Variants in PRKG1 observed in about 807,000 individuals in gnomAD.
PRKG1 encodes protein kinase cGMP-dependent 1.
PRKG1 carries 35 observed loss-of-function variants against 88.1 expected under a neutral mutation model. That is an observed-to-expected ratio of 0.40 (90% CI 0.30 to 0.53). The LOEUF is 0.53. Ranked by LOEUF, PRKG1 falls within the 20% of genes least tolerant of loss-of-function variation. The pLI is 0.59. For missense variants in PRKG1, 540 were observed against 839.8 expected (o/e 0.64, Z 4.41); for synonymous variants, 303 against 292.5 (o/e 1.04, Z -0.37).
At chr10:51,916,787 T>C (rs1842349468) in intron 5 of PRKG1, among the ~76,000 whole-genome samples, 1 of 152,186 alleles carries the variant, frequency 6.6e-6, no homozygotes, top group African/African-American at 2.4e-5. Flanking sequence ...CATCAGCTGA[T>C]GGATGGGTAA....
chr10:51,012,701 G>A (rs1007717634), intron 1 of PRKG1, among the ~76,000 whole-genome samples: 2 of 152,222 alleles, frequency 1.3e-5, no homozygotes, highest in African/African-American at 4.8e-5. Context: ...AGTCATTGGA[G>A]CCTGGTCTAG....
At chr10:52,092,023 TC>T (rs1484883365) in intron 7 of PRKG1, among the ~76,000 whole-genome samples, 5 of 152,214 alleles carry the variant, frequency 3.3e-5, no homozygotes, top group African/African-American at 1.2e-4. Context: ...TACCAGCGTT[TC>T]CTTCTTGATT....
At chr10:51,144,578 T>C (rs1845895862) in intron 1 of PRKG1, among the ~76,000 whole-genome samples, 1 of 152,286 alleles carries the variant, frequency 6.6e-6, no homozygotes, top group South Asian at 2.1e-4. Context: ...TTTTTCACTT[T>C]GGTTAAGAAG....
At chr10:51,363,963 A>G (rs545982049) in intron 2 of PRKG1, among the ~76,000 whole-genome samples, 77 of 152,156 alleles carry the variant, frequency 5.1e-4, no homozygotes, top group Non-Finnish European at 6.2e-4. Flanking sequence ...ATTTGAGAAG[A>G]AGACCTCTTA....
intron 4 of PRKG1, among the ~76,000 whole-genome samples, chr10:51,860,759 G>A (rs552912077): frequency 8.2e-4 from 125 of 152,252 alleles, no homozygotes; most frequent in African/African-American, 2.9e-3. Context: ...ACCCAGTTCA[G>A]AGATTAGAAT....
At chr10:52,087,966 C>T (rs1353206840) in intron 7 of PRKG1, among the ~76,000 whole-genome samples, 4 of 152,148 alleles carry the variant, frequency 2.6e-5, no homozygotes, top group Admixed American at 1.3e-4. Context: ...GTCATTTCTT[C>T]CCCACTCCTT....
chr10:51,033,270 C>T (rs1264594854), intron 1 of PRKG1, among the ~76,000 whole-genome samples: 2 of 152,182 alleles, frequency 1.3e-5, no homozygotes, highest in Non-Finnish European at 2.9e-5. Flanking sequence ...ACCTTATTTC[C>T]ATTCCTGATA....
intron 3 of PRKG1, among the ~76,000 whole-genome samples, chr10:51,637,258 C>CA (rs754619766): frequency 3.3e-5 from 5 of 151,890 alleles, no homozygotes; most frequent in East Asian, 1.9e-4. Flanking sequence ...ATTAAAAAGT[C>CA]AAAAAAACAA....
At chr10:51,426,821 A>G (rs974339300) in intron 2 of PRKG1, among the ~76,000 whole-genome samples, 2 of 152,196 alleles carry the variant, frequency 1.3e-5, no homozygotes, top group Admixed American at 6.5e-5. Context: ...ATAAAAATAC[A>G]GGTGATTTGT....
At chr10:51,352,556 TG>T (rs1462077488) in intron 2 of PRKG1, among the ~76,000 whole-genome samples, 1 of 151,886 alleles carries the variant, frequency 6.6e-6, no homozygotes, top group Non-Finnish European at 1.5e-5. Flanking sequence ...ATCTCTACAG[TG>T]AAAACTATAA....
intron 7 of PRKG1, among the ~76,000 whole-genome samples, chr10:52,105,453 A>T (rs1847393648): frequency 6.6e-6 from 1 of 152,188 alleles, no homozygotes; most frequent in Non-Finnish European, 1.5e-5. Context: ...GAATTAAGGC[A>T]TCATGTTGCT....
chr10:51,454,635 A>C (rs1056458425), intron 2 of PRKG1, among the ~76,000 whole-genome samples: 4 of 152,196 alleles, frequency 2.6e-5, no homozygotes, highest in Admixed American at 2.6e-4. Flanking sequence ...GAAGCAAAAG[A>C]GGAGCAAAGT....
At chr10:51,726,036 A>T (rs1244157487) in intron 3 of PRKG1, among the ~76,000 whole-genome samples, 1 of 152,236 alleles carries the variant, frequency 6.6e-6, no homozygotes, top group Non-Finnish European at 1.5e-5. Context: ...ACAGCTATTC[A>T]TCACAATGCA....
rs1839441162 is a variant in PRKG1, at chr10:51,252,091, T to C, written c.478+98761T>C. ...TGTGCACATGCATGAGTGTCTTCTCTTTTGAGGAAAACTCCAGCTATGTCA... is the reference window on the plus strand; with the variant it reads ...TGTGCACATGCATGAGTGTCTTCTCCTTTGAGGAAAACTCCAGCTATGTCA... On this transcript the variant is annotated intron_variant, in intron 2 of 17. Coordinates refer to ENST00000373980, the MANE Select transcript of PRKG1 (RefSeq NM_006258.4). Among the ~76,000 whole-genome samples the C allele has an allele frequency of 1.3e-5, 2 of 151,736 alleles. 1 individual carries two copies. The highest frequency in any genetic ancestry group is 4.1e-4 in the South Asian group (2 of 4,830).
rs535404943 is a variant in PRKG1 at position 52,080,572 on chromosome 10, G to A, written c.935+17941G>A. ...TGAGACTTAGTACATAAACTAGTTC[G>A]GTAAGGGGCTTAATTTGGTTGATAA... is the stretch of plus-strand genomic sequence containing the variant. On this transcript the variant is annotated intron_variant, in intron 7 of 17. Coordinates refer to ENST00000373980, the MANE Select transcript of PRKG1 (RefSeq NM_006258.4). Among the ~76,000 whole-genome samples, 38 of 152,110 alleles carry A rather than the reference G, an allele frequency of 2.5e-4. 1 individual carries two copies. The South Asian group carries it at 4.6e-3, about 18-fold the overall frequency.
chr10:51,697,603 AT>A, intron 3 of PRKG1: 1 of 1,186,346 alleles, frequency 8.4e-7, no homozygotes, highest in Non-Finnish European at 1.2e-6. Context: ...GGAAACCCTA[AT>A]CCAAGTGTGG....
At chr10:51,645,216 G>A (rs978247319) in intron 3 of PRKG1, among the ~76,000 whole-genome samples, 1 of 152,144 alleles carries the variant, frequency 6.6e-6, no homozygotes, top group South Asian at 2.1e-4. Flanking sequence ...AATATCAGCT[G>A]TTTGTTTACA....
At chr10:51,360,953 G>C (rs1588880587) in intron 2 of PRKG1, among the ~76,000 whole-genome samples, 1 of 151,874 alleles carries the variant, frequency 6.6e-6, no homozygotes, top group African/African-American at 2.4e-5. Flanking sequence ...AACTAGTGAA[G>C]AGCAGATTAT....
chr10:51,083,558 A>G (rs1291225039), intron 1 of PRKG1, among the ~76,000 whole-genome samples: 4 of 151,864 alleles, frequency 2.6e-5, no homozygotes, highest in Admixed American at 2.6e-4. Flanking sequence ...TTTAAGGCAA[A>G]CAGCGTGAGC....
Sources: gnomAD v4.1 joint callset for allele counts (sites outside exome capture counted in the v4.1 genomes callset) on GRCh38, gnomAD v4.1.1 for gene constraint, MANE v1.5 for transcripts, NCBI Gene and HGNC (gene_info 2026-07-23, HGNC 2026-07-21) for gene names.